Variants in KRT8 observed in about 807,000 individuals in gnomAD.
KRT8 encodes keratin 8, also known as keratin, type II cytoskeletal 8.
Under a neutral mutation model 43.0 loss-of-function variants are expected in KRT8, and 24 were observed. The observed-to-expected ratio is 0.56, with a 90% CI of 0.40 to 0.78. The LOEUF (loss-of-function observed/expected upper bound fraction) is 0.78. Ranked by LOEUF, KRT8 falls within the 30% of genes least tolerant of loss-of-function variation. KRT8 has a pLI of 0.00. For missense variants in KRT8, 492 were observed against 638.4 expected (o/e 0.77, Z 2.47); for synonymous variants, 214 against 261.2 (o/e 0.82, Z 1.74).
At chr12:52,949,039 G>A (rs1385961137) in intron 2 of KRT8, 15 of 834,568 alleles carry the variant, frequency 1.8e-5, no homozygotes, top group Non-Finnish European at 2.8e-5. Flanking sequence ...TCCACCTGTG[G>A]CTCCGGCTTC....
chr12:52,920,060 A>T (rs1347133824), intron 2 of KRT8, among the ~76,000 whole-genome samples: 1 of 152,218 alleles, frequency 6.6e-6, no homozygotes, highest in East Asian at 1.9e-4. Flanking sequence ...AATTGAACCC[A>T]AGTCTGGAGT....
chr12:52,928,870 C>T (rs1942038166), intron 2 of KRT8, among the ~76,000 whole-genome samples: 1 of 152,190 alleles, frequency 6.6e-6, no homozygotes, highest in African/African-American at 2.4e-5. Flanking sequence ...CGTGCCATTG[C>T]ACTCCAGCCT....
chr12:52,914,201 C>T (rs552258652), intron 2 of KRT8, among the ~76,000 whole-genome samples: 3 of 151,604 alleles, frequency 2.0e-5, no homozygotes, highest in South Asian at 2.1e-4. Context: ...CCAGCCTGGG[C>T]GACAGAGCGA....
chr12:52,915,299 A>G (rs1941713871), intron 2 of KRT8, among the ~76,000 whole-genome samples: 1 of 150,718 alleles, frequency 6.6e-6, no homozygotes, highest in African/African-American at 2.4e-5. Context: ...CGTGAACCCC[A>G]GGGGACGGAG....
chr12:52,932,806 A>T (rs558433858), intron 2 of KRT8, among the ~76,000 whole-genome samples: 3 of 148,478 alleles, frequency 2.0e-5, no homozygotes, highest in Non-Finnish European at 3.0e-5. Context: ...TGTCTATAAT[A>T]AAAAAAAAAC....
chr12:52,899,728 C>A, intron 5 of KRT8, 47 bp downstream of exon 5: 1 of 1,545,452 alleles, frequency 6.5e-7, no homozygotes, highest in Non-Finnish European at 8.9e-7. Context: ...TCTCCTCTCA[C>A]CAGGATGTGT....
chr12:52,914,250 A>C (rs1336003768), intron 2 of KRT8, among the ~76,000 whole-genome samples: 2 of 151,492 alleles, frequency 1.3e-5, no homozygotes, highest in Non-Finnish European at 2.9e-5. Context: ...AACAAAAAAA[A>C]AATCCACCGG....
At chr12:52,920,933 C>A (rs968539158) in intron 2 of KRT8, among the ~76,000 whole-genome samples, 16 of 152,164 alleles carry the variant, frequency 1.1e-4, no homozygotes, top group Non-Finnish European at 1.3e-4. Context: ...CTAGAGAGCA[C>A]GCAGCTCAGC....
At chr12:52,927,024 C>G (rs961874451) in intron 2 of KRT8, among the ~76,000 whole-genome samples, 1 of 152,224 alleles carries the variant, frequency 6.6e-6, no homozygotes, top group African/African-American at 2.4e-5. Flanking sequence ...CCTATCTCCT[C>G]TCTCCCACAT....
chr12:52,918,497 G>T (rs1483359694), intron 2 of KRT8, among the ~76,000 whole-genome samples: 1 of 152,162 alleles, frequency 6.6e-6, no homozygotes, highest in South Asian at 2.1e-4. Context: ...CCAGACAGAC[G>T]CCGCGCAGGT....
exon 1 of KRT8, chr12:52,949,766 G>A: frequency 1.4e-6 from 1 of 719,886 alleles, no homozygotes; most frequent in Non-Finnish European, 2.6e-6. Context: ...GCAGCAGCTA[G>A]GCATGGGAGG....
chr12:52,926,463 G>T, intron 2 of KRT8: 1 of 1,534,050 alleles, frequency 6.5e-7, no homozygotes, highest in Non-Finnish European at 8.7e-7. Flanking sequence ...GCAAACATTT[G>T]CTGAATGAAA....
chr12:52,923,993 C>T (rs1361969230), intron 2 of KRT8, among the ~76,000 whole-genome samples: 1 of 147,694 alleles, frequency 6.8e-6, no homozygotes. Context: ...TACAGGCGCC[C>T]GCCACCACGC....
intron 2 of KRT8, among the ~76,000 whole-genome samples, chr12:52,933,241 G>A (rs909104311): frequency 6.6e-6 from 1 of 152,020 alleles, no homozygotes; most frequent in African/African-American, 2.4e-5. Context: ...CCACCATGCC[G>A]GCCTCACAAA....
At chr12:52,899,308 C>T (rs548592968) in intron 5 of KRT8, among the ~76,000 whole-genome samples, 3 of 152,068 alleles carry the variant, frequency 2.0e-5, no homozygotes, top group Non-Finnish European at 4.4e-5. Context: ...GAGCAAGACT[C>T]TGTCTCAAAA....
intron 2 of KRT8, among the ~76,000 whole-genome samples, chr12:52,941,067 ATTT>A (rs10706288): frequency 2.8e-5 from 4 of 141,936 alleles, no homozygotes; most frequent in Admixed American, 7.1e-5. Flanking sequence ...CAATACATTA[ATTT>A]TTTTTTTTTT....
chr12:52,922,184 T>TAAAAAAAAAAAAA (rs57023136), intron 2 of KRT8, among the ~76,000 whole-genome samples: 12 of 38,728 alleles, frequency 3.1e-4, no homozygotes, highest in Non-Finnish European at 4.8e-4. Context: ...ACCCTGTCTC[T>TAAAAAAAAAAAAA]AAAAAAAAAA....
chr12:52,931,342 T>C (rs1942080565), intron 2 of KRT8, among the ~76,000 whole-genome samples: 1 of 151,938 alleles, frequency 6.6e-6, no homozygotes, highest in Admixed American at 6.6e-5. Context: ...ACTGGGATTA[T>C]AGGCGTGAGC....
intron 2 of KRT8, among the ~76,000 whole-genome samples, chr12:52,920,506 C>A (rs539513520): frequency 6.6e-6 from 1 of 151,958 alleles, no homozygotes; most frequent in Non-Finnish European, 1.5e-5. Flanking sequence ...CTGAGGCAGG[C>A]GAATTGATTG....
Sources: gnomAD v4.1 joint callset for allele counts (sites outside exome capture counted in the v4.1 genomes callset) on GRCh38, gnomAD v4.1.1 for gene constraint, MANE v1.5 for transcripts, NCBI Gene and HGNC (gene_info 2026-07-23, HGNC 2026-07-21) for gene names.